Variants in FGF18 observed in about 807,000 individuals in gnomAD.
The protein encoded by FGF18 is fibroblast growth factor 18.
FGF18 carries 5 observed loss-of-function variants against 23.0 expected under a neutral mutation model. The ratio of observed to expected loss-of-function variants is 0.22; its 90% CI spans 0.11 to 0.46. The LOEUF (loss-of-function observed/expected upper bound fraction) is 0.46. Among genes scored for constraint, FGF18 ranks in the 20% least tolerant of loss-of-function variants. The pLI is 0.99. For synonymous variants in FGF18, 117 were observed against 118.9 expected (o/e 0.98, Z 0.10); for missense variants, 180 against 291.6 (o/e 0.62, Z 2.79).
chr5:171,420,637 C>T (rs1228025654), intron 2 of FGF18, among the ~76,000 whole-genome samples, 194 bp downstream of exon 2: 1 of 152,180 alleles, frequency 6.6e-6, no homozygotes, highest in Non-Finnish European at 1.5e-5. Context: ...GGGCAAGGGG[C>T]TCTGCCGCGG....
Position 171,456,843 on chromosome 5 carries a change from A to G in FGF18, c.*38A>G. On this transcript the variant is annotated 3_prime_UTR_variant, in exon 5 of 5. Coordinates refer to ENST00000274625, the MANE Select transcript of FGF18 (RefSeq NM_003862.3). This position sits in a 1 kb window ranked among gnomAD's most constrained non-coding sequence, Gnocchi z 6.1. The stretch of plus-strand genomic sequence containing the variant: ...CGGCCCCTCAGGTCGCCCTGGCCAC[A>G]CTCACACTCCCAGAAAACTGCATCA... 6.4e-7 allele frequency: 1 copy of G among 1,564,380 alleles called. No homozygotes were observed. Among genetic ancestry groups the G allele is most frequent in the Non-Finnish European group, 8.6e-7 (1 of 1,156,806 alleles).
At chr5:171,433,334 TG>T (rs1267480408) in intron 2 of FGF18, among the ~76,000 whole-genome samples, 1 of 152,080 alleles carries the variant, frequency 6.6e-6, no homozygotes, top group Non-Finnish European at 1.5e-5. Flanking sequence ...CTTGGGGACC[TG>T]GGGGAAGGAG....
At chr5:171,455,389 T>G (rs1389255009) in intron 4 of FGF18, among the ~76,000 whole-genome samples, 1 of 152,242 alleles carries the variant, frequency 6.6e-6, no homozygotes, top group Admixed American at 6.5e-5. Flanking sequence ...TGGAGTTGAG[T>G]TACAGCTGAG....
At chr5:171,431,485 G>C (rs925608264) in intron 2 of FGF18, among the ~76,000 whole-genome samples, 2 of 152,164 alleles carry the variant, frequency 1.3e-5, no homozygotes, top group African/African-American at 4.8e-5. Context: ...GCTTGGGGGA[G>C]GGATTTGAGC....
At position 171,434,897 on chromosome 5, in the gene FGF18, G is replaced by A. The variant is rs749892370; in HGVS notation, c.70-1196G>A. On this transcript the variant is annotated intron_variant, in intron 2 of 4. Coordinates refer to ENST00000274625, the MANE Select transcript of FGF18 (RefSeq NM_003862.3). This position sits in a 1 kb window ranked among gnomAD's most constrained non-coding sequence, Gnocchi z 4.6. ...GTGCTGGAAAGAAGCGCAAAGCATG[G>A]TTGAGGGGAGGGAGAGTGTCAGAGC... Among the ~76,000 whole-genome samples, 12 of 151,988 alleles carry A rather than the reference G, an allele frequency of 7.9e-5. No homozygotes were observed. Among genetic ancestry groups the A allele is most frequent in the Non-Finnish European group, 1.2e-4 (8 of 68,000 alleles).
rs61100768 is a variant in FGF18, at chr5:171,440,225, T to TG, written c.250+3961dup. ...ACCTGACCTCCTTACTATGGGTGTG[T>TG]GGGGGGGGGTGGTGCCATCGCGGGC... On this transcript the variant is annotated intron_variant, in intron 3 of 4. Coordinates refer to ENST00000274625, the MANE Select transcript of FGF18 (RefSeq NM_003862.3). The surrounding 1 kb of genome is among the most constrained non-coding windows in gnomAD (Gnocchi z 4.0). Among the ~76,000 whole-genome samples the TG allele has an allele frequency of 0.12, 17,412 of 150,802 alleles. 1,222 individuals are homozygous for TG. The highest frequency in any genetic ancestry group is 0.29 in the South Asian group (1,379 of 4,728).
rs1771985952 is a variant in FGF18, at chr5:171,420,417, T to C, written c.43T>C (p.Phe15Leu). ...ATCTGTTTCCCGCAGGTGTTTACACTTCCTGCTGCTGTGCTTCCAGGTACA... is the reference window on the plus strand; with the variant it reads ...ATCTGTTTCCCGCAGGTGTTTACACCTCCTGCTGCTGTGCTTCCAGGTACA... ...PSACTCLCLH[F>L]LLLCFQVQVL... Residue 15 changes from phenylalanine (F) to leucine (L), a missense_variant, in exon 2 of 5, where the codon TTC (phenylalanine) becomes CTC (leucine). This residue lies in a region of FGF18 where 57 missense variants were observed against 59.8 expected (regional missense o/e 0.95). Coordinates refer to ENST00000274625, the MANE Select transcript of FGF18 (RefSeq NM_003862.3). 2 of 1,613,758 alleles carry C rather than the reference T, an allele frequency of 1.2e-6. No homozygotes were observed. The highest frequency in any genetic ancestry group is 1.7e-6 in the Non-Finnish European group (2 of 1,179,918).
In FGF18 at chr5:171,436,084, C is replaced by T. The variant is rs1485169471; in HGVS notation, c.70-9C>T. 2 of 1,534,160 alleles carry T rather than the reference C, an allele frequency of 1.3e-6. No individual in the cohort carries two copies. Among genetic ancestry groups the T allele is most frequent in the Admixed American group, 2.0e-5 (1 of 50,854 alleles). ...TGGGGTGGCTTACTGTGTCCTTTTC[C>T]CTGCCCAGGTGCTGGTTGCCGAGGA... On this transcript the variant is annotated splice_polypyrimidine_tract_variant and intron_variant, in intron 2 of 4. Coordinates refer to ENST00000274625, the MANE Select transcript of FGF18 (RefSeq NM_003862.3). This position sits in a 1 kb window ranked among gnomAD's most constrained non-coding sequence, Gnocchi z 4.4.
At chr5:171,449,413 GAGAGAGAGAGACA>G (rs1772465639) in intron 4 of FGF18, among the ~76,000 whole-genome samples, 160 bp downstream of exon 4, 1 of 151,534 alleles carries the variant, frequency 6.6e-6, no homozygotes, top group African/African-American at 2.4e-5. Flanking sequence ...GAGAGAGAGA[GAGAGAGAGAGACA>G]GGAGAGAGAG....
chr5:171,428,297 C>A (rs1223264596), intron 2 of FGF18, among the ~76,000 whole-genome samples: 5 of 152,184 alleles, frequency 3.3e-5, no homozygotes, highest in African/African-American at 1.2e-4. Context: ...CCCCCACCCA[C>A]TCATCTGTGC....
intron 3 of FGF18, among the ~76,000 whole-genome samples, chr5:171,448,332 T>C (rs1483759399): frequency 6.6e-6 from 1 of 152,128 alleles, no homozygotes; most frequent in African/African-American, 2.4e-5. Flanking sequence ...TGGACGGCAG[T>C]GGAATATCCT....
intron 2 of FGF18, among the ~76,000 whole-genome samples, chr5:171,424,095 A>G (rs947222415): frequency 2.0e-5 from 3 of 152,056 alleles, no homozygotes; most frequent in African/African-American, 4.8e-5. Context: ...TCATCCATCC[A>G]TCCACAGTCA....
intron 3 of FGF18, among the ~76,000 whole-genome samples, chr5:171,446,014 T>C (rs1047580653): frequency 2.6e-5 from 4 of 152,110 alleles, no homozygotes; most frequent in Non-Finnish European, 5.9e-5. Flanking sequence ...CTCTGTCTCA[T>C]TTTCTCTCTC....
In FGF18 at chr5:171,456,826, C is replaced by G; in HGVS notation, c.*21C>G. On this transcript the variant is annotated 3_prime_UTR_variant, in exon 5 of 5. Coordinates refer to ENST00000274625, the MANE Select transcript of FGF18 (RefSeq NM_003862.3). The surrounding 1 kb of genome is among the most constrained non-coding windows in gnomAD (Gnocchi z 6.1). ...CCTAGGCCACCCCGCCGCGGCCCCTCAGGTCGCCCTGGCCACACTCACACT... is the reference window on the plus strand; with the variant it reads ...CCTAGGCCACCCCGCCGCGGCCCCTGAGGTCGCCCTGGCCACACTCACACT... 1 of 1,594,808 alleles carries G rather than the reference C, an allele frequency of 6.3e-7. No individual in the cohort carries two copies. The highest frequency in any genetic ancestry group is 2.2e-5 in the East Asian group (1 of 44,560).
In FGF18 at chr5:171,456,667, C is replaced by A. The variant is rs762163117; in HGVS notation, c.486C>A (p.Gly162=). 1 of 1,613,986 alleles carries A rather than the reference C, an allele frequency of 6.2e-7. No homozygotes were observed. Among genetic ancestry groups the A allele is most frequent in the South Asian group, 1.1e-5 (1 of 91,048 alleles). ...GFTKKGRPRK[G]PKTRENQQDV... ...CCAAGAAGGGGCGGCCGCGGAAGGG[C>A]CCCAAGACCCGGGAGAACCAGCAGG... Residue 162 remains glycine (G), a synonymous_variant, in exon 5 of 5, where the codon GGC becomes GGA. Coordinates refer to ENST00000274625, the MANE Select transcript of FGF18 (RefSeq NM_003862.3). The surrounding 1 kb of genome is among the most constrained non-coding windows in gnomAD (Gnocchi z 6.1).
chr5:171,420,450 G>A lies in FGF18; in HGVS notation c.69+7G>A. 1 of 1,613,178 alleles carries A rather than the reference G, an allele frequency of 6.2e-7. No individual in the cohort carries two copies. Among genetic ancestry groups the A allele is most frequent in the Non-Finnish European group, 8.5e-7 (1 of 1,179,632 alleles). On this transcript the variant is annotated splice_region_variant and intron_variant, in intron 2 of 4. Transcript: ENST00000274625. ...GCTGTGCTTCCAGGTACAGGTACGT[G>A]GGCTCCTGACTTTGACCTCCTCCCG...
chr5:171,419,893 C>A lies in FGF18; in HGVS notation c.-307C>A, dbSNP rs991061346. ...CTCCCACGGACGCCCGGACGGCCGG[C>A]CGGCCAGCAGTGAGCGAGCTTCCCC... is the stretch of plus-strand genomic sequence containing the variant. On this transcript the variant is annotated 5_prime_UTR_variant, in exon 1 of 5. Coordinates refer to ENST00000274625, the MANE Select transcript of FGF18 (RefSeq NM_003862.3). 6.4e-5 allele frequency: 10 copies of A among 155,824 alleles called. No homozygotes were observed. The highest frequency in any genetic ancestry group is 1.7e-4 in the African/African-American group (7 of 41,436). 9.7% of individuals were successfully genotyped at this position (155,824 alleles called of 1,614,324 possible).
chr5:171,447,296 C>T (rs182276879), intron 3 of FGF18, among the ~76,000 whole-genome samples: 1 of 152,292 alleles, frequency 6.6e-6, no homozygotes, highest in South Asian at 2.1e-4. Flanking sequence ...CTCCTCACCC[C>T]CTGTGGGGCC....
chr5:171,421,093 C>T (rs999629634), intron 2 of FGF18, among the ~76,000 whole-genome samples: 2 of 152,250 alleles, frequency 1.3e-5, no homozygotes, highest in African/African-American at 2.4e-5. Flanking sequence ...GCTCGCTCTC[C>T]GTGAATCAGA....
Sources: allele counts gnomAD v4.1 joint callset (sites outside exome capture counted in the v4.1 genomes callset), GRCh38; gene constraint gnomAD v4.1.1; regional missense constraint gnomAD v4.1.1; non-coding constraint Gnocchi (gnomAD v3.1); transcripts MANE v1.5; gene names NCBI Gene and HGNC (gene_info 2026-07-23, HGNC 2026-07-21).